Variants in CCNH observed in about 807,000 individuals in gnomAD.
The protein encoded by CCNH is cyclin H.
A neutral mutation model predicts 41.9 loss-of-function variants in CCNH; 31 were observed. That is an observed-to-expected ratio of 0.74 (90% confidence interval 0.56 to 1.00). The LOEUF is 1.00. Ranked by LOEUF, CCNH falls within the 50% of genes least tolerant of loss-of-function variation. The pLI is 0.00. For missense variants in CCNH, 362 were observed against 388.4 expected (o/e 0.93, Z 0.57); for synonymous variants, 138 against 136.1 (o/e 1.01, Z -0.10).
intron 2 of CCNH, among the ~76,000 whole-genome samples, chr5:87,409,874 G>A (rs1764092899): frequency 6.6e-6 from 1 of 152,128 alleles, no homozygotes. Flanking sequence ...AATGGCAGAA[G>A]CAGCACTACC....
At chr5:87,344,018 A>T (rs1043796090) in intron 9 of CCNH, among the ~76,000 whole-genome samples, 1 of 152,126 alleles carries the variant, frequency 6.6e-6, no homozygotes, top group African/African-American at 2.4e-5. Flanking sequence ...AATATTAGAA[A>T]ATTAACTCAG....
chr5:87,378,330 A>G (rs1326522003), upstream of CCNH: 3 of 1,560,214 alleles, frequency 1.9e-6, no homozygotes, highest in African/African-American at 4.1e-5. Flanking sequence ...AATTCACTTA[A>G]TTTCCAATTT....
chr5:87,350,003 C>G (rs1759141370), intron 9 of CCNH, among the ~76,000 whole-genome samples: 1 of 151,846 alleles, frequency 6.6e-6, no homozygotes, highest in African/African-American at 2.4e-5. Context: ...TAATAACTCT[C>G]TATTTCCTAT....
chr5:87,335,584 C>T (rs2112379131), intron 9 of CCNH, among the ~76,000 whole-genome samples: 1 of 151,836 alleles, frequency 6.6e-6, no homozygotes, highest in East Asian at 2.0e-4. Flanking sequence ...TGCCACCACA[C>T]CTGGCTAATT....
Position 87,331,144 on chromosome 5 carries a change from G to A in CCNH, c.*91-12247C>T. ...TGAGATGACTAGGACTGAGCTTTTA[G>A]AACAAATTAAAGACCAAGTAAATGA... On this transcript the variant is annotated intron_variant and NMD_transcript_variant, in intron 9 of 9. Transcript: ENST00000645953. The A allele has an allele frequency of 2.3e-6, 2 of 877,410 alleles. 1 individual carries two copies. Among genetic ancestry groups the A allele is most frequent in the East Asian group, 5.1e-5 (2 of 39,396 alleles). 54.4% of individuals were successfully genotyped at this position (877,410 alleles called of 1,614,324 possible).
At chr5:87,387,621 G>C (rs1762152938), downstream of CCNH, among the ~76,000 whole-genome samples, 1 of 152,084 alleles carries the variant, frequency 6.6e-6, no homozygotes, top group African/African-American at 2.4e-5. Context: ...GGGAGTGCTA[G>C]GATTGGAGAT....
intron 9 of CCNH, among the ~76,000 whole-genome samples, chr5:87,353,700 A>G (rs1370902278): frequency 1.3e-5 from 2 of 152,142 alleles, no homozygotes; most frequent in Admixed American, 6.5e-5. Context: ...AAAACTGTAT[A>G]GTAGTAAAGA....
intron 9 of CCNH, among the ~76,000 whole-genome samples, chr5:87,359,283 C>T (rs1000661572): frequency 6.6e-6 from 1 of 152,132 alleles, no homozygotes; most frequent in African/African-American, 2.4e-5. Flanking sequence ...GGCTGTTAGA[C>T]TCTAACCAAT....
At chr5:87,313,359 A>G in the CCNH span, among the ~76,000 whole-genome samples, 2 of 152,180 alleles carry the variant, frequency 1.3e-5, no homozygotes, top group African/African-American at 2.4e-5. Flanking sequence ...GGACAATGCA[A>G]ATAGTTTGGA....
chr5:87,339,466 T>G (rs1211874439), intron 9 of CCNH, among the ~76,000 whole-genome samples: 7 of 152,194 alleles, frequency 4.6e-5, no homozygotes, highest in Non-Finnish European at 1.0e-4. Flanking sequence ...GTTACAACTT[T>G]TAGTTTGGGT....
intron 9 of CCNH, among the ~76,000 whole-genome samples, chr5:87,328,887 A>G (rs1484254231): frequency 6.6e-6 from 1 of 152,176 alleles, no homozygotes; most frequent in African/African-American, 2.4e-5. Flanking sequence ...ATCTTGTAAC[A>G]TTGGATTTAT....
intron 9 of CCNH, among the ~76,000 whole-genome samples, chr5:87,321,824 G>T (rs1756834611): frequency 6.6e-6 from 1 of 152,162 alleles, no homozygotes; most frequent in Non-Finnish European, 1.5e-5. Flanking sequence ...CCAATGGGAA[G>T]ACCCCCCATA....
At chr5:87,379,971 G>C, upstream of CCNH, 1 of 1,056,350 alleles carries the variant, frequency 9.5e-7, no homozygotes, top group South Asian at 1.5e-5. Flanking sequence ...AAAAGTCATG[G>C]TTAATCTTTA....
intron 9 of CCNH, among the ~76,000 whole-genome samples, chr5:87,361,929 C>A (rs981315236): frequency 1.3e-5 from 2 of 151,812 alleles, no homozygotes; most frequent in Non-Finnish European, 2.9e-5. Flanking sequence ...AGGAAATGGC[C>A]ATTGGTAGAG....
intron 9 of CCNH, among the ~76,000 whole-genome samples, chr5:87,342,744 TTTGTCTAG>T (rs1177644578): frequency 2.6e-5 from 4 of 152,282 alleles, no homozygotes; most frequent in South Asian, 4.1e-4. Context: ...AGGTAATCAC[TTTGTCTAG>T]TTGTCTAGTT....
intron 4 of CCNH, among the ~76,000 whole-genome samples, chr5:87,406,530 G>T (rs780504984): frequency 6.6e-6 from 1 of 151,978 alleles, no homozygotes; most frequent in Non-Finnish European, 1.5e-5. Context: ...TCCAAAATCT[G>T]AAAGTTTCTG....
chr5:87,386,348 T>C (rs1276057433), intron 9 of CCNH, among the ~76,000 whole-genome samples: 1 of 152,104 alleles, frequency 6.6e-6, no homozygotes, highest in Non-Finnish European at 1.5e-5. Flanking sequence ...GCCTAGGTTT[T>C]GAATTCATCT....
At chr5:87,356,293 C>T (rs1384630241) in intron 9 of CCNH, among the ~76,000 whole-genome samples, 1 of 152,118 alleles carries the variant, frequency 6.6e-6, no homozygotes, top group African/African-American at 2.4e-5. Flanking sequence ...TTGGCAACCA[C>T]TGCCCTAATC....
chr5:87,312,663 T>C, the CCNH span, among the ~76,000 whole-genome samples: 1 of 152,326 alleles, frequency 6.6e-6, no homozygotes, highest in African/African-American at 2.4e-5. Flanking sequence ...AGTTTGCAAC[T>C]GGAATCTCAG....
Sources: allele counts gnomAD v4.1 joint callset (sites outside exome capture counted in the v4.1 genomes callset), GRCh38; gene constraint gnomAD v4.1.1; transcripts MANE v1.5; gene names NCBI Gene and HGNC (gene_info 2026-07-23, HGNC 2026-07-21).